CCDC110: variants seen among roughly 807,000 people sequenced by gnomAD.
CCDC110 encodes the protein coiled-coil domain-containing protein 110.
A neutral mutation model predicts 77.1 loss-of-function variants in CCDC110; 70 were observed. That is an observed-to-expected ratio of 0.91 (90% CI 0.75 to 1.11). The LOEUF (loss-of-function observed/expected upper bound fraction) is 1.11, where lower values mean the gene tolerates loss of function less well. Ranked by LOEUF, CCDC110 falls within the 50% of genes least tolerant of loss-of-function variation. The pLI is 0.00. For synonymous variants in CCDC110, 295 were observed against 312.5 expected, an observed-to-expected ratio of 0.94 and a Z score of 0.59; for missense variants, 868 against 942.9, an observed-to-expected ratio of 0.92 and a Z score of 1.04.
chr4:185,450,517 G>A lies in CCDC110; in HGVS notation c.2462-4975C>T, dbSNP rs529766897. On this transcript the variant is annotated intron_variant, in intron 6 of 6. Coordinates refer to ENST00000307588, the MANE Select transcript of CCDC110 (RefSeq NM_152775.4). Reference sequence around the variant, plus strand: ...AAATCCCAGCACTTTGGGAGGCTGAGTCGGGTGGATCACAAGGTTAGGAGT... The same window carrying A: ...AAATCCCAGCACTTTGGGAGGCTGAATCGGGTGGATCACAAGGTTAGGAGT... Among the ~76,000 whole-genome samples the A allele has an allele frequency of 3.9e-5, 6 of 152,324 alleles. No homozygotes were observed. The South Asian group carries it at 1.2e-3, about 32-fold the overall frequency.
intron 2 of CCDC110, among the ~76,000 whole-genome samples, chr4:185,470,159 C>T (rs766472152): frequency 6.6e-6 from 1 of 152,190 alleles, no homozygotes; most frequent in Admixed American, 6.5e-5. Context: ...CATATAATAT[C>T]CTGTAGTCCG....
rs77742414 is a variant in CCDC110, at chr4:185,467,653, A to G, written c.115+3292T>C. 6.9e-3 allele frequency among the ~76,000 whole-genome samples: 1,047 copies of G among 152,328 alleles called. 10 individuals carry two copies. The highest frequency in any genetic ancestry group is 0.024 in the African/African-American group (989 of 41,576). The stretch of plus-strand genomic sequence containing the variant: ...GAAAAACAAGGTAGTTATCAATGGG[A>G]TGACTTTTGAGGTAATTTTTATTCT... On this transcript the variant is annotated intron_variant, in intron 2 of 6. Transcript: ENST00000307588.
Position 185,469,240 on chromosome 4 carries a change from G to A in CCDC110, c.115+1705C>T, listed in dbSNP as rs1040742601. 4.1e-4 allele frequency among the ~76,000 whole-genome samples: 62 copies of A among 152,150 alleles called. 1 individual carries two copies. The highest frequency in any genetic ancestry group is 6.7e-4 in the African/African-American group (28 of 41,546). On this transcript the variant is annotated intron_variant, in intron 2 of 6. Coordinates refer to ENST00000307588, the MANE Select transcript of CCDC110 (RefSeq NM_152775.4). ...TCAGTAGGAGAGTAGAGAGAAGGGC[G>A]CCAGCCATACCTCCTAGTTTTGCCT...
intron 2 of CCDC110, among the ~76,000 whole-genome samples, chr4:185,463,749 C>G (rs1328256684): frequency 1.3e-5 from 2 of 152,196 alleles, no homozygotes; most frequent in African/African-American, 4.8e-5. Flanking sequence ...CTGGCCAACC[C>G]TGCTACTCTG....
chr4:185,466,189 C>T (rs1393241059), intron 2 of CCDC110, among the ~76,000 whole-genome samples: 1 of 152,034 alleles, frequency 6.6e-6, no homozygotes, highest in African/African-American at 2.4e-5. Flanking sequence ...TCCTGGCTAA[C>T]ATGGTGAAAC....
At chr4:185,464,366 G>T (rs1045546857) in intron 2 of CCDC110, among the ~76,000 whole-genome samples, 4 of 152,054 alleles carry the variant, frequency 2.6e-5, no homozygotes, top group African/African-American at 9.7e-5. Flanking sequence ...CAGAGGGTGG[G>T]GAGGGAGAGC....
chr4:185,465,631 A>G (rs182776023), intron 2 of CCDC110, among the ~76,000 whole-genome samples: 67 of 152,314 alleles, frequency 4.4e-4, no homozygotes, highest in Non-Finnish European at 8.1e-4. Flanking sequence ...GGTTTCCATC[A>G]TGAGAATGAT....
Position 185,459,749 on chromosome 4 carries a change from T to C in CCDC110, c.838A>G (p.Lys280Glu), listed in dbSNP as rs770292252. 2.5e-6 allele frequency: 4 copies of C among 1,613,740 alleles called. No individual in the cohort carries two copies. In the East Asian group the frequency reaches 8.9e-5, roughly 36 times the overall value. Residue 280 changes from lysine to glutamate, a missense_variant, in exon 6 of 7, where the codon AAA becomes GAA. Coordinates refer to ENST00000307588, the MANE Select transcript of CCDC110 (RefSeq NM_152775.4). ...TGGTGAATAGGGGACATGTCATATT[T>C]ACCATTCCTGTGAACATCTGGATCA... ...QTDPDVHRNG[K>E]YDMSPIHQDK... is the part of the protein sequence containing the mutation.
intron 2 of CCDC110, among the ~76,000 whole-genome samples, chr4:185,464,551 T>C (rs915833439): frequency 3.3e-5 from 5 of 152,166 alleles, no homozygotes; most frequent in African/African-American, 1.2e-4. Context: ...CAGACCAGCA[T>C]AGGAAGGAAA....
rs754118431 is a variant in CCDC110, at chr4:185,458,884, C to A, written c.1703G>T (p.Ser568Ile). ...GGTTTTCATTGCTTCCATTTCTATA[C>A]TCATTCGATTATTTTCATTATTTAC... is the stretch of plus-strand genomic sequence containing the variant. ...AIVNNENNRM[S>I]IEMEAMKTNI... The change falls in exon 6 of 7, where the codon AGT becomes ATT. Residue 568 changes from serine to isoleucine, a missense_variant. Coordinates refer to ENST00000307588, the MANE Select transcript of CCDC110 (RefSeq NM_152775.4). 2 of 1,606,448 alleles carry A rather than the reference C, an allele frequency of 1.2e-6. No homozygotes were observed. The highest frequency in any genetic ancestry group is 1.7e-6 in the Non-Finnish European group (2 of 1,178,388).
chr4:185,452,134 T>A (rs1490415372), intron 6 of CCDC110: 8 of 927,004 alleles, frequency 8.6e-6, no homozygotes, highest in Non-Finnish European at 1.0e-5. Flanking sequence ...TGTTGTCTCT[T>A]CTTTTAACTT....
chr4:185,467,786 C>T (rs1266886363), intron 2 of CCDC110, among the ~76,000 whole-genome samples: 4 of 152,158 alleles, frequency 2.6e-5, no homozygotes, highest in East Asian at 3.8e-4. Flanking sequence ...AACAGGGTAA[C>T]GATTCTATAT....
intron 1 of CCDC110, chr4:185,471,435 C>T: frequency 5.0e-6 from 2 of 402,554 alleles, no homozygotes; most frequent in South Asian, 4.1e-5. Flanking sequence ...AGCGGCCACC[C>T]GAGGGCGCGC....
chr4:185,460,011 G>A lies in CCDC110; in HGVS notation c.576C>T (p.Asp192=), dbSNP rs7699724. ...NIIIHPSENS[D]ILKNYNNFYR... The stretch of plus-strand genomic sequence containing the variant: ...AAAAGTTATTATAATTCTTCAAGAT[G>A]TCAGAATTTTCTGAAGGGTGTATAA... Residue 192 remains aspartate, a synonymous_variant, in exon 6 of 7, where the codon GAC becomes GAT. Coordinates refer to ENST00000307588, the MANE Select transcript of CCDC110 (RefSeq NM_152775.4). 830,152 of 1,611,464 alleles carry A rather than the reference G, an allele frequency of 0.52. 218,845 individuals carry two copies. Among genetic ancestry groups the A allele is most frequent in the Middle Eastern group, 0.57 (3,456 of 6,048 alleles).
intron 2 of CCDC110, among the ~76,000 whole-genome samples, chr4:185,467,260 G>A (rs1408208306): frequency 6.6e-6 from 1 of 152,230 alleles, no homozygotes; most frequent in African/African-American, 2.4e-5. Context: ...AGAGTAGGCA[G>A]GGAGTCGGAT....
chr4:185,453,835 C>T (rs1201880691), intron 6 of CCDC110, among the ~76,000 whole-genome samples: 4 of 143,500 alleles, frequency 2.8e-5, no homozygotes, highest in South Asian at 2.2e-4. Context: ...TTTTTTGAGA[C>T]GGAGTTTCGC....
chr4:185,457,678 C>G, intron 6 of CCDC110: 1 of 784,122 alleles, frequency 1.3e-6, no homozygotes, highest in Non-Finnish European at 1.9e-6. Context: ...TAATCAATTA[C>G]CAGGTTAATG....
At chr4:185,463,125 C>A (rs186756362) in intron 2 of CCDC110, 76 bp from the exon 3 acceptor site, 282 of 1,102,394 alleles carry the variant, frequency 2.6e-4, no homozygotes, top group South Asian at 3.7e-4. Context: ...AGAAAGCAGT[C>A]TCCTAACTTG....
intron 5 of CCDC110, 94 bp downstream of exon 5, chr4:185,460,955 T>C: frequency 4.5e-6 from 2 of 439,636 alleles, no homozygotes; most frequent in South Asian, 4.0e-5. Flanking sequence ...CCATTTTTCC[T>C]GTAACAAAGA....
Sources: gnomAD v4.1 joint callset for allele counts (sites outside exome capture counted in the v4.1 genomes callset) on GRCh38, gnomAD v4.1.1 for gene constraint, MANE v1.5 for transcripts, NCBI Gene and HGNC (gene_info 2026-07-23, HGNC 2026-07-21) for gene names.